MORF4L1: variants seen among roughly 807,000 people sequenced by gnomAD.
The protein encoded by MORF4L1 is mortality factor 4 like 1.
In MORF4L1, 4 loss-of-function variants were observed where a neutral mutation model predicts 52.9. The ratio of observed to expected loss-of-function variants is 0.08; its 90% CI spans 0.04 to 0.17. The LOEUF is 0.17. Among genes scored for constraint, MORF4L1 ranks in the 10% least tolerant of loss-of-function variants. The pLI is 1.00. For missense variants in MORF4L1, 214 were observed against 390.4 expected (o/e 0.55, Z 3.81); for synonymous variants, 123 against 134.8 (o/e 0.91, Z 0.61).
intron 5 of MORF4L1, among the ~76,000 whole-genome samples, chr15:78,889,256 A>G (rs938657951): frequency 3.9e-5 from 6 of 152,346 alleles, no homozygotes; most frequent in Admixed American, 6.5e-5. Flanking sequence ...ATGAATGTCA[A>G]GCTCTTACTA....
chr15:78,894,355 T>C (rs2056848722), intron 10 of MORF4L1, 125 bp downstream of exon 10: 1 of 692,488 alleles, frequency 1.4e-6, no homozygotes, highest in Non-Finnish European at 2.3e-6. Flanking sequence ...TTATCTAGAA[T>C]GTTAAATAGC....
At position 78,873,066 on chromosome 15, in the gene MORF4L1, G is replaced by A; in HGVS notation, c.40+9G>A. On this transcript the variant is annotated intron_variant, in intron 1 of 11. Coordinates refer to ENST00000426013, the MANE Select transcript of MORF4L1 (RefSeq NM_006791.4). ...GCCTAAATTCCAGGAGGGTGAGTGTGCGCCTTTGGGAAAAAGGCACCTAAC... is the reference window on the plus strand; with the variant it reads ...GCCTAAATTCCAGGAGGGTGAGTGTACGCCTTTGGGAAAAAGGCACCTAAC... The A allele has an allele frequency of 1.9e-6, 3 of 1,551,454 alleles. No homozygotes were observed. Among genetic ancestry groups the A allele is most frequent in the Non-Finnish European group, 1.7e-6 (2 of 1,146,804 alleles).
intron 1 of MORF4L1, among the ~76,000 whole-genome samples, chr15:78,876,982 C>T (rs1037577119): frequency 1.3e-5 from 2 of 151,964 alleles, no homozygotes; most frequent in African/African-American, 2.4e-5. Flanking sequence ...CTCTCCCATC[C>T]GGGCTGGAGT....
Position 78,895,469 on chromosome 15 carries a change from T to C in MORF4L1, c.887+565T>C, listed in dbSNP as rs117838747. On this transcript the variant is annotated intron_variant, in intron 11 of 11. Coordinates refer to ENST00000426013, the MANE Select transcript of MORF4L1 (RefSeq NM_006791.4). Reference sequence around the variant, plus strand: ...TCAGATTGGCTAAGGTTTAAATGTTTGAAGAAATGGAGAAAAGGGCAATCC... The same window carrying C: ...TCAGATTGGCTAAGGTTTAAATGTTCGAAGAAATGGAGAAAAGGGCAATCC... Among the ~76,000 whole-genome samples, 122 of 152,322 alleles carry C rather than the reference T, an allele frequency of 8.0e-4. No homozygotes were observed. The East Asian group carries it at 0.02, about 26-fold the overall frequency.
chr15:78,891,663 T>A, intron 7 of MORF4L1, 91 bp downstream of exon 7: 3 of 1,042,090 alleles, frequency 2.9e-6, no homozygotes, highest in Non-Finnish European at 4.3e-6. Flanking sequence ...ATCTACAAGA[T>A]TTGCTTACAT....
rs1450980016 is a variant in MORF4L1 at position 78,897,878 on chromosome 15, G to A, written c.*811G>A. 1.3e-5 allele frequency: 2 copies of A among 152,432 alleles called. No individual in the cohort carries two copies. Among genetic ancestry groups the A allele is most frequent in the South Asian group, 2.1e-4 (1 of 4,836 alleles). 9.4% of individuals were successfully genotyped at this position (152,432 alleles called of 1,614,324 possible). A position where few individuals can be genotyped will look rare whatever the true frequency, so the allele number is the denominator to read the frequency against. ...TGAGACGCTTTAGCTTTGGTACGTA[G>A]CGCTAATCCATAGCAGCTTTGGCAG... On this transcript the variant is annotated 3_prime_UTR_variant, in exon 12 of 12. Transcript: ENST00000426013.
Position 78,890,961 on chromosome 15 carries a change from T to C in MORF4L1, c.324-28T>C. ...CAGAGGCAGTTTTACTGGAAATAAT[T>C]ATTTTTCTTTTTTTTCTCTCCTTTT... On this transcript the variant is annotated intron_variant, in intron 5 of 11. Coordinates refer to ENST00000426013, the MANE Select transcript of MORF4L1 (RefSeq NM_006791.4). The C allele has an allele frequency of 2.1e-6, 3 of 1,431,494 alleles. No individual in the cohort carries two copies. The African/African-American group carries it at 4.3e-5, about 21-fold the overall frequency. 88.7% of individuals were successfully genotyped at this position (1,431,494 alleles called of 1,614,324 possible).
intron 2 of MORF4L1, 79 bp from the exon 3 acceptor site, chr15:78,880,433 T>A: frequency 1.0e-6 from 1 of 988,108 alleles, no homozygotes; most frequent in Non-Finnish European, 1.5e-6. Context: ...TTGTGTAGAG[T>A]GTCTTTGAAG....
At chr15:78,892,163 A>T in intron 7 of MORF4L1, 49 bp from the exon 8 acceptor site, 1 of 1,352,368 alleles carries the variant, frequency 7.4e-7, no homozygotes, top group South Asian at 1.2e-5. Flanking sequence ...CATGTTTGGT[A>T]TTTAGCAAGA....
At chr15:78,875,952 CTTTT>C (rs149940701) in intron 1 of MORF4L1, among the ~76,000 whole-genome samples, 4,310 of 151,016 alleles carry the variant, frequency 0.029, 230 homozygotes, top group African/African-American at 0.1. Flanking sequence ...TTGTTTTTTT[CTTTT>C]TGAGACAGTC....
chr15:78,886,955 A>T (rs2056715541), intron 4 of MORF4L1, among the ~76,000 whole-genome samples: 1 of 14,470 alleles, frequency 6.9e-5, no homozygotes, highest in Non-Finnish European at 3.2e-4. Context: ...ACTCTGTCTC[A>T]AAAAAAAAAA....
intron 4 of MORF4L1, chr15:78,886,428 G>A (rs1335387086): frequency 8.5e-6 from 5 of 585,290 alleles, no homozygotes; most frequent in African/African-American, 3.7e-5. Flanking sequence ...CATTACTTGA[G>A]CTTATCTTAG....
chr15:78,897,231 CT>C lies in MORF4L1; in HGVS notation c.*170del, dbSNP rs2056906666. The stretch of plus-strand genomic sequence containing the variant: ...AAAAAATAAAAGGGGGTAATAGCTC[CT>C]TTTTTCTTCTTTCTTTTTTTTTTTC... On this transcript the variant is annotated 3_prime_UTR_variant, in exon 12 of 12. Transcript: ENST00000426013. 2.0e-6 allele frequency: 1 copy of C among 495,414 alleles called. No homozygotes were observed. The highest frequency in any genetic ancestry group is 3.6e-6 in the Non-Finnish European group (1 of 278,002). The allele number at this position is 495,414 out of a possible 1,614,324, so 30.7% of individuals were successfully genotyped here.
chr15:78,879,909 C>T (rs1406772805), intron 2 of MORF4L1, among the ~76,000 whole-genome samples: 1 of 152,168 alleles, frequency 6.6e-6, no homozygotes, highest in African/African-American at 2.4e-5. Flanking sequence ...GAACAATTTT[C>T]GAATTGAAGC....
At chr15:78,880,303 A>G (rs769916568) in intron 2 of MORF4L1, among the ~76,000 whole-genome samples, 1 of 152,160 alleles carries the variant, frequency 6.6e-6, no homozygotes, top group Non-Finnish European at 1.5e-5. Context: ...ATTTAAGGTG[A>G]CCTTTTATGC....
At chr15:78,890,511 G>A (rs1262500281) in intron 5 of MORF4L1, 1 of 151,686 alleles carries the variant, frequency 6.6e-6, no homozygotes, top group Non-Finnish European at 1.5e-5. Flanking sequence ...TTTGAGACAG[G>A]GTCTCTGTCA....
chr15:78,884,477 T>C (rs933648823), intron 3 of MORF4L1, among the ~76,000 whole-genome samples: 1 of 151,336 alleles, frequency 6.6e-6, no homozygotes, highest in African/African-American at 2.4e-5. Flanking sequence ...CTGTCTGTAC[T>C]AAAAATACAA....
At chr15:78,895,362 A>T (rs2056869955) in intron 11 of MORF4L1, among the ~76,000 whole-genome samples, 1 of 152,252 alleles carries the variant, frequency 6.6e-6, no homozygotes, top group Non-Finnish European at 1.5e-5. Flanking sequence ...CAGGAAATTT[A>T]CATCAATGGC....
At chr15:78,878,495 GA>G (rs1261950231) in intron 2 of MORF4L1, among the ~76,000 whole-genome samples, 3 of 152,170 alleles carry the variant, frequency 2.0e-5, no homozygotes, top group African/African-American at 7.2e-5. Context: ...AGTAGCATTT[GA>G]GGGGAATGTT....
Sources: gnomAD v4.1 joint callset for allele counts (sites outside exome capture counted in the v4.1 genomes callset) on GRCh38, gnomAD v4.1.1 for gene constraint, MANE v1.5 for transcripts, NCBI Gene and HGNC (gene_info 2026-07-23, HGNC 2026-07-21) for gene names.